The following MICU1 variants were observed in gnomAD, a reference collection of about 807,000 sequenced individuals.
The protein encoded by MICU1 is calcium uptake protein 1, mitochondrial.
In MICU1, 45 loss-of-function variants were observed where a neutral mutation model predicts 56.8. That is an observed-to-expected ratio of 0.79 (90% CI 0.62 to 1.02). The LOEUF (loss-of-function observed/expected upper bound fraction) is 1.02. Among genes scored for constraint, MICU1 ranks in the 50% least tolerant of loss-of-function variants. MICU1 has a pLI of 0.00. For missense variants in MICU1, 504 were observed against 587.1 expected (o/e 0.86, Z 1.46); for synonymous variants, 186 against 195.1 (o/e 0.95, Z 0.39).
intron 8 of MICU1, among the ~76,000 whole-genome samples, chr10:72,473,954 G>A (rs940307927): frequency 9.2e-5 from 14 of 151,786 alleles, no homozygotes; most frequent in African/African-American, 2.4e-4. Flanking sequence ...AAGGTAGGGC[G>A]TGTGTTAAAA....
intron 4 of MICU1, among the ~76,000 whole-genome samples, chr10:72,546,935 A>G (rs930824897): frequency 1.4e-5 from 2 of 145,344 alleles, no homozygotes; most frequent in Non-Finnish European, 3.0e-5. Context: ...TCTGTCGCCC[A>G]GGCTGGACTG....
chr10:72,376,506 A>G (rs1862527074), intron 10 of MICU1, among the ~76,000 whole-genome samples: 1 of 151,896 alleles, frequency 6.6e-6, no homozygotes, highest in South Asian at 2.1e-4. Flanking sequence ...TTAGCCCGGC[A>G]TGGTGGTGTG....
At chr10:72,406,527 T>A (rs1863635279) in intron 10 of MICU1, among the ~76,000 whole-genome samples, 1 of 151,832 alleles carries the variant, frequency 6.6e-6, no homozygotes, top group African/African-American at 2.4e-5. Flanking sequence ...TCCAAAGTAA[T>A]CTTGAAAAAG....
Position 72,505,507 on chromosome 10 carries a change from C to T in MICU1, c.652+2648G>A, listed in dbSNP as rs117428150. Among the ~76,000 whole-genome samples, 1,572 of 152,246 alleles carry T rather than the reference C, an allele frequency of 0.01. 100 individuals are homozygous for T. In the East Asian group the frequency reaches 0.19, roughly 18 times the overall value. ...AATCGTTCTACCAAAAAGACACATG[C>T]ACTTGTATGTTCATCGCAGATTTAT... is the stretch of plus-strand genomic sequence containing the variant. On this transcript the variant is annotated intron_variant, in intron 6 of 11. Transcript: ENST00000361114.
intron 1 of MICU1, among the ~76,000 whole-genome samples, chr10:72,567,242 G>A (rs1357666409): frequency 6.6e-6 from 1 of 152,124 alleles, no homozygotes; most frequent in Non-Finnish European, 1.5e-5. Flanking sequence ...TATTCAGGGG[G>A]CTGAGGTGAG....
intron 3 of MICU1, among the ~76,000 whole-genome samples, chr10:72,558,646 C>T (rs1840218557): frequency 6.6e-6 from 1 of 152,112 alleles, no homozygotes; most frequent in South Asian, 2.1e-4. Flanking sequence ...GGTTCAGTGA[C>T]TGGATCTTCA....
Position 72,537,386 on chromosome 10 carries a change from G to A in MICU1, c.494-3597C>T, listed in dbSNP as rs1156830749. Among the ~76,000 whole-genome samples, 4 of 152,236 alleles carry A rather than the reference G, an allele frequency of 2.6e-5. No homozygotes were observed. In the East Asian group the frequency reaches 7.7e-4, roughly 29 times the overall value. On this transcript the variant is annotated intron_variant, in intron 4 of 11. Coordinates refer to ENST00000361114, the MANE Select transcript of MICU1 (RefSeq NM_001195518.2). ...GCAGGGAGAGCATGGAGAATGAAAG[G>A]AGAAAAAATAGCATGTGTAGTTTAA... is the stretch of plus-strand genomic sequence containing the variant.
At chr10:72,516,738 T>C (rs1280501136) in intron 5 of MICU1, among the ~76,000 whole-genome samples, 2 of 152,202 alleles carry the variant, frequency 1.3e-5, no homozygotes, top group Admixed American at 6.5e-5. Flanking sequence ...AAAGATCAGA[T>C]GGTTGTAGAT....
chr10:72,400,699 T>A (rs1180439599), intron 10 of MICU1, among the ~76,000 whole-genome samples: 1 of 151,986 alleles, frequency 6.6e-6, no homozygotes, highest in Non-Finnish European at 1.5e-5. Flanking sequence ...TGAGCCAAGA[T>A]CATGCCATTG....
intron 6 of MICU1, among the ~76,000 whole-genome samples, chr10:72,503,540 T>A (rs1045237371): frequency 3.3e-5 from 5 of 152,120 alleles, no homozygotes; most frequent in African/African-American, 1.2e-4. Flanking sequence ...TGAATTATCC[T>A]GCCCAAAATA....
chr10:72,583,570 G>T (rs1840964079), intron 1 of MICU1, among the ~76,000 whole-genome samples: 1 of 151,946 alleles, frequency 6.6e-6, no homozygotes. Context: ...GAGCCACCTC[G>T]CCTGGCCTGA....
rs114896590 is a variant in MICU1, at chr10:72,419,097, T to G, written c.1071+4137A>C. ...CAAGGGAGATGCCTCCAATGCCCCT[T>G]ATTGCTTTTAAGTGTAAACTCACAA... On this transcript the variant is annotated intron_variant, in intron 9 of 11. Coordinates refer to ENST00000361114, the MANE Select transcript of MICU1 (RefSeq NM_001195518.2). Among the ~76,000 whole-genome samples, 730 of 152,344 alleles carry G rather than the reference T, an allele frequency of 4.8e-3. 3 individuals are homozygous for G. Among genetic ancestry groups the G allele is most frequent in the African/African-American group, 0.017 (702 of 41,576 alleles).
At chr10:72,482,904 G>T (rs1472974650) in intron 6 of MICU1, among the ~76,000 whole-genome samples, 2 of 151,244 alleles carry the variant, frequency 1.3e-5, no homozygotes, top group Non-Finnish European at 2.9e-5. Context: ...CGCCCAGGTT[G>T]AAGTGCAGTG....
At chr10:72,399,143 G>A (rs868283784) in intron 10 of MICU1, among the ~76,000 whole-genome samples, 2 of 152,088 alleles carry the variant, frequency 1.3e-5, no homozygotes, top group South Asian at 2.1e-4. Context: ...TTCAACATAC[G>A]CAAACCATGT....
intron 9 of MICU1, among the ~76,000 whole-genome samples, chr10:72,410,765 C>T (rs1432294057): frequency 6.6e-6 from 1 of 152,154 alleles, no homozygotes; most frequent in Admixed American, 6.5e-5. Flanking sequence ...TTGGCTTTGC[C>T]TTAGAGCACC....
intron 4 of MICU1, among the ~76,000 whole-genome samples, chr10:72,534,389 A>G (rs1019265060): frequency 6.6e-6 from 1 of 152,148 alleles, no homozygotes; most frequent in African/African-American, 2.4e-5. Context: ...CTTTACACAT[A>G]GCTTTATCCC....
chr10:72,466,866 T>G (rs534072707), intron 8 of MICU1, among the ~76,000 whole-genome samples: 1 of 152,370 alleles, frequency 6.6e-6, no homozygotes, highest in African/African-American at 2.4e-5. Flanking sequence ...TAGAAAGATG[T>G]CAACTTGATG....
At chr10:72,611,712 A>T (rs1042010939) in intron 1 of MICU1, among the ~76,000 whole-genome samples, 1 of 152,226 alleles carries the variant, frequency 6.6e-6, no homozygotes, top group Non-Finnish European at 1.5e-5. Flanking sequence ...AACACTGAGA[A>T]TAACAGACTA....
At chr10:72,559,138 T>C (rs1357774804) in intron 3 of MICU1, among the ~76,000 whole-genome samples, 1 of 152,092 alleles carries the variant, frequency 6.6e-6, no homozygotes, top group Non-Finnish European at 1.5e-5. Flanking sequence ...CAGTGAGCTA[T>C]GATTGCACCA....
Sources: gnomAD v4.1 joint callset for allele counts (sites outside exome capture counted in the v4.1 genomes callset) on GRCh38, gnomAD v4.1.1 for gene constraint, MANE v1.5 for transcripts, NCBI Gene and HGNC (gene_info 2026-07-23, HGNC 2026-07-21) for gene names.